Variants in DNAJC13 observed in about 807,000 individuals in gnomAD.
DNAJC13 encodes the protein DnaJ heat shock protein family (Hsp40) member C13, also known as dnaJ homolog subfamily C member 13.
DNAJC13 carries 75 observed loss-of-function variants against 290.5 expected under a neutral mutation model. The ratio of observed to expected loss-of-function variants is 0.26; its 90% CI spans 0.21 to 0.31. The LOEUF is 0.31. Ranked by LOEUF, DNAJC13 falls within the 10% of genes least tolerant of loss-of-function variation. DNAJC13 has a pLI of 1.00. For missense variants in DNAJC13, 2,260 were observed against 2,674.5 expected, an observed-to-expected ratio of 0.85 and a Z score of 3.42; for synonymous variants, 862 against 892.0, an observed-to-expected ratio of 0.97 and a Z score of 0.60.
At chr3:132,464,274 C>T (rs190595152) in intron 17 of DNAJC13, among the ~76,000 whole-genome samples, 2 of 152,230 alleles carry the variant, frequency 1.3e-5, no homozygotes, top group Admixed American at 1.3e-4. Flanking sequence ...TAGACTTAAC[C>T]TAAATCTCTT....
At chr3:132,514,924 G>C (rs1935877695) in intron 46 of DNAJC13, 1 of 344,746 alleles carries the variant, frequency 2.9e-6, no homozygotes, top group Non-Finnish European at 5.3e-6. Flanking sequence ...AGTTTGTTGA[G>C]ATCTACACAT....
intron 2 of DNAJC13, among the ~76,000 whole-genome samples, chr3:132,434,908 T>C (rs183429966): frequency 5.3e-5 from 8 of 152,318 alleles, no homozygotes; most frequent in Admixed American, 5.2e-4. Flanking sequence ...ATGATGAGGT[T>C]ATATAGTAGT....
chr3:132,419,463 A>G lies in DNAJC13; in HGVS notation c.-14+1703A>G, dbSNP rs542665150. 4.6e-5 allele frequency among the ~76,000 whole-genome samples: 7 copies of G among 152,358 alleles called. No individual in the cohort carries two copies. In the South Asian group the frequency reaches 1.4e-3, roughly 32 times the overall value. On this transcript the variant is annotated intron_variant, in intron 1 of 55. Coordinates refer to ENST00000260818, the MANE Select transcript of DNAJC13 (RefSeq NM_015268.4). ...AACTTTATCCACAAATAAATAGAAG[A>G]TGGTTGCCTTGCCCAGGTGGACTGT...
rs1933487533 is a variant in DNAJC13, at chr3:132,453,517, T to C, written c.744+13T>C. ...ACCTAGACATTCGGTAAGACCCATA[T>C]GTTAAAAATGAAAATTTGTTCACCT... On this transcript the variant is annotated intron_variant, in intron 7 of 55. Transcript: ENST00000260818. 3 of 1,611,148 alleles carry C rather than the reference T, an allele frequency of 1.9e-6. No individual in the cohort carries two copies. Among genetic ancestry groups the C allele is most frequent in the Admixed American group, 3.4e-5 (2 of 59,502 alleles).
chr3:132,463,838 TG>T, intron 17 of DNAJC13, 21 bp downstream of exon 17: 1 of 1,598,640 alleles, frequency 6.3e-7, no homozygotes, highest in Middle Eastern at 1.7e-4. Context: ...TAATTCAATT[TG>T]CTGCAATTTA....
intron 2 of DNAJC13, among the ~76,000 whole-genome samples, chr3:132,436,652 C>CT (rs1258212837): frequency 3.3e-5 from 5 of 152,182 alleles, no homozygotes; most frequent in Non-Finnish European, 5.9e-5. Context: ...CCTTCAATGT[C>CT]TGAGTCCCAA....
At chr3:132,497,585 A>C (rs1935274431) in intron 36 of DNAJC13, among the ~76,000 whole-genome samples, 1 of 152,236 alleles carries the variant, frequency 6.6e-6, no homozygotes, top group Non-Finnish European at 1.5e-5. Context: ...ACATGAGTTT[A>C]ACAGAATACG....
intron 26 of DNAJC13, among the ~76,000 whole-genome samples, chr3:132,481,449 C>T (rs771798972): frequency 3.3e-5 from 5 of 152,082 alleles, no homozygotes; most frequent in Non-Finnish European, 7.4e-5. Context: ...GATGTGGTGG[C>T]ACACACCTGT....
Position 132,447,416 on chromosome 3 carries a change from A to G in DNAJC13, c.240A>G (p.Ser80=), listed in dbSNP as rs1933284167. The change falls in exon 4 of 56, where the codon TCA becomes TCG. Residue 80 remains serine (S), a synonymous_variant. Coordinates refer to ENST00000260818, the MANE Select transcript of DNAJC13 (RefSeq NM_015268.4). ...LTFRKGSGKK[S]ETLKFSTEHR... ...TTCGTAAAGGCAGTGGAAAAAAGTCAGAAACTTTAAAATTTTCTACAGAGC... is the reference window on the plus strand; with the variant it reads ...TTCGTAAAGGCAGTGGAAAAAAGTCGGAAACTTTAAAATTTTCTACAGAGC... 1.2e-6 allele frequency: 2 copies of G among 1,609,876 alleles called. No homozygotes were observed. Among genetic ancestry groups the G allele is most frequent in the Middle Eastern group, 1.7e-4 (1 of 6,044 alleles).
At chr3:132,435,000 G>A (rs1326423102) in intron 2 of DNAJC13, among the ~76,000 whole-genome samples, 2 of 152,172 alleles carry the variant, frequency 1.3e-5, no homozygotes, top group Non-Finnish European at 2.9e-5. Flanking sequence ...TTGACTGTCG[G>A]AGAAAATATG....
At chr3:132,481,158 G>A (rs971051376) in intron 26 of DNAJC13, among the ~76,000 whole-genome samples, 1 of 152,212 alleles carries the variant, frequency 6.6e-6, no homozygotes, top group Admixed American at 6.5e-5. Flanking sequence ...ATAAGTGGCA[G>A]AGCTAGAGTT....
At chr3:132,531,449 T>C (rs1302397620) in intron 55 of DNAJC13, among the ~76,000 whole-genome samples, 3 of 152,216 alleles carry the variant, frequency 2.0e-5, no homozygotes, top group African/African-American at 7.2e-5. Context: ...TGATTCATCA[T>C]TCCATATCTG....
At chr3:132,427,322 A>G (rs1407780042) in intron 1 of DNAJC13, among the ~76,000 whole-genome samples, 1 of 151,794 alleles carries the variant, frequency 6.6e-6, no homozygotes, top group African/African-American at 2.4e-5. Context: ...TTTTTAGTAG[A>G]GACAGGGTTT....
chr3:132,532,579 A>G (rs948133093), intron 55 of DNAJC13, among the ~76,000 whole-genome samples: 4 of 152,036 alleles, frequency 2.6e-5, no homozygotes, highest in African/African-American at 9.7e-5. Context: ...TGGTGTTAAA[A>G]TTATAGCTTC....
intron 8 of DNAJC13, 64 bp from the exon 9 acceptor site, chr3:132,454,002 A>G: frequency 8.1e-7 from 1 of 1,230,622 alleles, no homozygotes; most frequent in Non-Finnish European, 1.2e-6. Flanking sequence ...GATGCATTTT[A>G]TAATGAAATA....
intron 22 of DNAJC13, among the ~76,000 whole-genome samples, chr3:132,475,355 CT>C (rs909768678): frequency 2.0e-5 from 3 of 150,714 alleles, no homozygotes; most frequent in Non-Finnish European, 4.4e-5. Flanking sequence ...TTCCTTTTTT[CT>C]TTTTTTTTCC....
At chr3:132,514,521 G>T (rs1329707423) in intron 45 of DNAJC13, 50 bp from the exon 46 acceptor site, 2 of 1,388,970 alleles carry the variant, frequency 1.4e-6, no homozygotes. Context: ...ATTTGATTTA[G>T]GTTCAAAATT....
chr3:132,507,240 G>C lies in DNAJC13; in HGVS notation c.5002G>C (p.Asp1668His), dbSNP rs763692889. The C allele has an allele frequency of 6.3e-7, 1 of 1,597,030 alleles. No individual in the cohort carries two copies. The highest frequency in any genetic ancestry group is 1.1e-5 in the South Asian group (1 of 89,938). The change falls in exon 43 of 56, where the codon GAT (aspartate) becomes CAT (histidine). Residue 1668 changes from aspartate to histidine, a missense_variant. Physicochemically the swap from Asp to His is moderately conservative, Grantham distance 81. Transcript: ENST00000260818. ...TATTTTTTCATCTTTTAAAAAGGGT[G>C]ATTGTGACAAAACTTATGGATCAGA... is the stretch of plus-strand genomic sequence containing the variant. ...SQQENMIKKGDCDKTYGSEFV... is the reference protein window; with the variant it reads ...SQQENMIKKGHCDKTYGSEFV...
At position 132,518,949 on chromosome 3, in the gene DNAJC13, A is replaced by G. The variant is rs184261185; in HGVS notation, c.5673+2133A>G. 7.2e-5 allele frequency among the ~76,000 whole-genome samples: 11 copies of G among 152,264 alleles called. No homozygotes were observed. In the East Asian group the frequency reaches 1.7e-3, roughly 24 times the overall value. ...GTATATAAATGGAATCATACTATGT[A>G]TGGTCTTTTGTGACTGGCTTCCGTT... On this transcript the variant is annotated intron_variant, in intron 48 of 55. Transcript: ENST00000260818.
Sources: gnomAD v4.1 joint callset for allele counts (sites outside exome capture counted in the v4.1 genomes callset) on GRCh38, gnomAD v4.1.1 for gene constraint, MANE v1.5 for transcripts, NCBI Gene and HGNC (gene_info 2026-07-23, HGNC 2026-07-21) for gene names.